Variants in STARD13 observed in about 807,000 individuals in gnomAD.
The protein encoded by STARD13 is StAR related lipid transfer domain containing 13, also known as stAR-related lipid transfer protein 13.
In STARD13, 62 loss-of-function variants were observed where a neutral mutation model predicts 106.4. The observed-to-expected ratio is 0.58, with a 90% CI of 0.48 to 0.72. STARD13 has a LOEUF of 0.72. Among genes scored for constraint, STARD13 ranks in the 30% least tolerant of loss-of-function variants. The pLI, the probability that STARD13 is intolerant of heterozygous loss-of-function variation, is 0.00. For missense variants in STARD13, 1,387 were observed against 1,424.0 expected (o/e 0.97, Z 0.42); for synonymous variants, 565 against 553.0 (o/e 1.02, Z -0.31).
chr13:33,453,111 C>T, the STARD13 span, among the ~76,000 whole-genome samples: 1 of 152,180 alleles, frequency 6.6e-6, no homozygotes, highest in African/African-American at 2.4e-5. Flanking sequence ...TTGCCTTGGC[C>T]TTTAGTCTTG....
At chr13:33,406,542 T>G in the STARD13 span, among the ~76,000 whole-genome samples, 1 of 152,360 alleles carries the variant, frequency 6.6e-6, no homozygotes, top group Admixed American at 6.5e-5. Context: ...ATGCCTCGTT[T>G]AATCTAGATT....
chr13:33,360,634 T>TTTCCTTCTGTGTAGACAGGA, the STARD13 span, among the ~76,000 whole-genome samples: 103 of 12,432 alleles, frequency 8.3e-3, 6 homozygotes, highest in African/African-American at 0.029. Context: ...TAATATACAT[T>TTTCCTTCTGTGTAGACAGGA]TTCCTTCTGT....
chr13:33,342,350 G>C (rs1472071858), intron 1 of STARD13, among the ~76,000 whole-genome samples: 1 of 152,184 alleles, frequency 6.6e-6, no homozygotes, highest in Non-Finnish European at 1.5e-5. Context: ...ACCAGTTATA[G>C]TAACCAGAGG....
the STARD13 span, among the ~76,000 whole-genome samples, chr13:33,534,574 C>T: frequency 6.6e-6 from 1 of 152,032 alleles, no homozygotes. Flanking sequence ...ATTTTGTGAT[C>T]ATGTACTATG....
intron 4 of STARD13, among the ~76,000 whole-genome samples, chr13:33,136,897 A>G (rs1879136065): frequency 6.6e-6 from 1 of 152,240 alleles, no homozygotes; most frequent in Non-Finnish European, 1.5e-5. Flanking sequence ...TGGCGCCAAG[A>G]AGCAGCAGCA....
At chr13:33,402,501 G>A in the STARD13 span, among the ~76,000 whole-genome samples, 2 of 152,322 alleles carry the variant, frequency 1.3e-5, no homozygotes, top group African/African-American at 4.8e-5. Flanking sequence ...GCTAGAAGAG[G>A]GCGGTTCCCT....
the STARD13 span, among the ~76,000 whole-genome samples, chr13:33,521,102 G>A: frequency 3.9e-5 from 6 of 152,228 alleles, no homozygotes; most frequent in Non-Finnish European, 7.4e-5. Context: ...CGAGCTGGGA[G>A]AGCCCATGCC....
chr13:33,141,372 A>C (rs1310265142), intron 4 of STARD13, among the ~76,000 whole-genome samples: 1 of 152,232 alleles, frequency 6.6e-6, no homozygotes, highest in African/African-American at 2.4e-5. Context: ...ATCTCAGCGG[A>C]TTAAATGAGA....
chr13:33,111,729 C>T, intron 10 of STARD13, 49 bp downstream of exon 10: 2 of 1,115,214 alleles, frequency 1.8e-6, no homozygotes, highest in Non-Finnish European at 2.8e-6. Flanking sequence ...AGCGTCTTAT[C>T]TAGTTCCAAG....
chr13:33,365,057 A>G, the STARD13 span, among the ~76,000 whole-genome samples: 2 of 150,398 alleles, frequency 1.3e-5, no homozygotes, highest in Non-Finnish European at 3.0e-5. Context: ...TGCAAGAGGT[A>G]AAAAACTCTG....
the STARD13 span, among the ~76,000 whole-genome samples, chr13:33,430,665 A>C: frequency 6.6e-6 from 1 of 152,252 alleles, no homozygotes; most frequent in Admixed American, 6.5e-5. Context: ...AAAATGTGGA[A>C]TCAACCTAAG....
At chr13:33,297,458 T>C (rs527910480) in intron 1 of STARD13, among the ~76,000 whole-genome samples, 2 of 152,320 alleles carry the variant, frequency 1.3e-5, no homozygotes, top group Admixed American at 6.5e-5. Context: ...TCAAGGGCTG[T>C]CCTTGGCCTT....
chr13:33,477,665 A>T, the STARD13 span, among the ~76,000 whole-genome samples: 324 of 152,268 alleles, frequency 2.1e-3, 1 homozygote, highest in South Asian at 0.015. Flanking sequence ...TACAGGTGTC[A>T]CATTTTCATT....
intron 7 of STARD13, among the ~76,000 whole-genome samples, chr13:33,121,853 T>G (rs1223544283): frequency 5.3e-5 from 8 of 151,702 alleles, no homozygotes; most frequent in Non-Finnish European, 1.2e-4. Flanking sequence ...CTAATTTTTT[T>G]TTTTTTTTTG....
At chr13:33,255,122 C>T (rs1486703044) in intron 1 of STARD13, among the ~76,000 whole-genome samples, 3 of 151,136 alleles carry the variant, frequency 2.0e-5, no homozygotes, top group Non-Finnish European at 2.9e-5. Context: ...GAGGCTTGAT[C>T]AGGTTCAGAG....
chr13:33,445,998 A>G, the STARD13 span, among the ~76,000 whole-genome samples: 6 of 152,186 alleles, frequency 3.9e-5, no homozygotes, highest in Non-Finnish European at 8.8e-5. Context: ...TTAGCTACCC[A>G]ATAGATCATG....
At chr13:33,341,003 G>A (rs966849486) in intron 1 of STARD13, among the ~76,000 whole-genome samples, 2 of 152,088 alleles carry the variant, frequency 1.3e-5, no homozygotes, top group South Asian at 4.1e-4. Flanking sequence ...AACTACAAAC[G>A]TGACAAAAAT....
chr13:33,430,056 T>C, the STARD13 span, among the ~76,000 whole-genome samples: 2 of 152,030 alleles, frequency 1.3e-5, no homozygotes, highest in Admixed American at 6.6e-5. Context: ...TAGCTGGGAC[T>C]ACAGGCGCCC....
At chr13:33,657,056 T>G in the STARD13 span, 1 of 152,254 alleles carries the variant, frequency 6.6e-6, no homozygotes, top group Non-Finnish European at 1.5e-5. Flanking sequence ...GATCACGAGA[T>G]CAAGAGATCG....
Sources: allele counts gnomAD v4.1 joint callset (sites outside exome capture counted in the v4.1 genomes callset), GRCh38; gene constraint gnomAD v4.1.1; transcripts MANE v1.5; gene names NCBI Gene and HGNC (gene_info 2026-07-23, HGNC 2026-07-21).